The following NKAIN2 variants were observed in gnomAD, a reference collection of about 807,000 sequenced individuals.
NKAIN2 encodes the protein sodium/potassium transporting ATPase interacting 2.
NKAIN2 carries 14 observed loss-of-function variants against 32.6 expected under a neutral mutation model. The ratio of observed to expected loss-of-function variants is 0.43; its 90% CI spans 0.28 to 0.67. NKAIN2 has a LOEUF of 0.67. Ranked by LOEUF, NKAIN2 falls within the 30% of genes least tolerant of loss-of-function variation. The pLI is 0.17. For missense variants in NKAIN2, 198 were observed against 258.3 expected, an observed-to-expected ratio of 0.77 and a Z score of 1.60; for synonymous variants, 80 against 87.2, an observed-to-expected ratio of 0.92 and a Z score of 0.46.
intron 1 of NKAIN2, among the ~76,000 whole-genome samples, chr6:123,911,868 C>T (rs1775228439): frequency 1.4e-5 from 2 of 143,430 alleles, no homozygotes; most frequent in Admixed American, 1.4e-4. Context: ...CATATCAATT[C>T]CCCCCAACCC....
intron 1 of NKAIN2, among the ~76,000 whole-genome samples, chr6:124,064,928 C>G (rs1783096683): frequency 6.6e-6 from 1 of 152,060 alleles, no homozygotes; most frequent in African/African-American, 2.4e-5. Flanking sequence ...AATTAGTTGT[C>G]TATCTCTGGG....
chr6:124,042,688 T>A (rs1422676916), intron 1 of NKAIN2, among the ~76,000 whole-genome samples: 1 of 152,028 alleles, frequency 6.6e-6, no homozygotes, highest in Non-Finnish European at 1.5e-5. Flanking sequence ...TGACACCAAA[T>A]GAATGCATGG....
chr6:124,694,577 C>T (rs1019220589), intron 4 of NKAIN2, among the ~76,000 whole-genome samples: 5 of 152,204 alleles, frequency 3.3e-5, no homozygotes, highest in Admixed American at 6.5e-5. Flanking sequence ...AAACAGACAA[C>T]AGCTTGAATC....
At chr6:123,976,256 T>TATATATATGTTTCC (rs1156868911) in intron 1 of NKAIN2, among the ~76,000 whole-genome samples, 13 of 120,832 alleles carry the variant, frequency 1.1e-4, no homozygotes, top group Admixed American at 5.1e-4. Context: ...AACATATATA[T>TATATATATGTTTCC]ATATATATGT....
chr6:124,469,169 A>G (rs1277575350), intron 3 of NKAIN2, among the ~76,000 whole-genome samples: 1 of 152,162 alleles, frequency 6.6e-6, no homozygotes, highest in African/African-American at 2.4e-5. Context: ...CCATGATTTT[A>G]GTAATTTATC....
intron 1 of NKAIN2, among the ~76,000 whole-genome samples, chr6:123,859,970 C>A (rs1357897300): frequency 1.3e-5 from 2 of 152,158 alleles, no homozygotes; most frequent in African/African-American, 4.8e-5. Context: ...GGATTACAGT[C>A]GTAAGCCACC....
At chr6:124,481,447 G>C (rs1356768420) in intron 3 of NKAIN2, among the ~76,000 whole-genome samples, 2 of 151,874 alleles carry the variant, frequency 1.3e-5, no homozygotes, top group Non-Finnish European at 1.5e-5. Flanking sequence ...AATAGTCTAA[G>C]AGTAGTTAAA....
intron 1 of NKAIN2, among the ~76,000 whole-genome samples, chr6:124,192,391 A>C (rs904007179): frequency 5.9e-5 from 9 of 152,186 alleles, no homozygotes; most frequent in Non-Finnish European, 7.3e-5. Flanking sequence ...AAATAATATG[A>C]GGTTTTTCTA....
chr6:124,262,414 A>G (rs1794296201), intron 1 of NKAIN2, among the ~76,000 whole-genome samples: 1 of 152,198 alleles, frequency 6.6e-6, no homozygotes, highest in African/African-American at 2.4e-5. Flanking sequence ...AAATTGCAGC[A>G]GGATTCGCTG....
chr6:124,408,928 G>T (rs1157592448), intron 3 of NKAIN2, among the ~76,000 whole-genome samples: 4 of 152,114 alleles, frequency 2.6e-5, no homozygotes, highest in African/African-American at 9.7e-5. Flanking sequence ...TTGTAAGTTG[G>T]ATTCCTAGGT....
At chr6:124,441,870 G>T (rs1431331227) in intron 3 of NKAIN2, among the ~76,000 whole-genome samples, 1 of 151,874 alleles carries the variant, frequency 6.6e-6, no homozygotes, top group East Asian at 1.9e-4. Flanking sequence ...TTCCTTCAAG[G>T]GATAGTGCTA....
At chr6:124,213,061 C>G (rs1292510917) in intron 1 of NKAIN2, among the ~76,000 whole-genome samples, 2 of 152,104 alleles carry the variant, frequency 1.3e-5, no homozygotes, top group Admixed American at 6.6e-5. Flanking sequence ...CTCTCTGTAT[C>G]TAAGTCCTTC....
chr6:124,439,878 C>T (rs1051832381), intron 3 of NKAIN2, among the ~76,000 whole-genome samples: 5 of 151,986 alleles, frequency 3.3e-5, no homozygotes, highest in South Asian at 2.1e-4. Context: ...TCTCTCGACT[C>T]ATCTCAGATA....
rs572222453 is a variant in NKAIN2, at chr6:124,433,775, T to C, written c.273+78428T>C. 9.5e-4 allele frequency among the ~76,000 whole-genome samples: 144 copies of C among 152,290 alleles called. 1 individual carries two copies. The highest frequency in any genetic ancestry group is 2.1e-3 in the Admixed American group (32 of 15,288). ...TGATGGAAGTGTCTTCCCAGAAATG[T>C]TGTGAAACAGCATTAGTTTTCTTCC... On this transcript the variant is annotated intron_variant, in intron 3 of 6. Coordinates refer to ENST00000368417, the MANE Select transcript of NKAIN2 (RefSeq NM_001040214.3).
intron 3 of NKAIN2, among the ~76,000 whole-genome samples, chr6:124,630,356 C>A (rs1783516736): frequency 6.6e-6 from 1 of 152,138 alleles, no homozygotes; most frequent in Non-Finnish European, 1.5e-5. Context: ...TTCTTCAGAG[C>A]TTTGGCACTA....
intron 4 of NKAIN2, among the ~76,000 whole-genome samples, chr6:124,772,876 C>G (rs1319386062): frequency 1.3e-5 from 2 of 152,142 alleles, no homozygotes; most frequent in Non-Finnish European, 2.9e-5. Context: ...AATGTTTACT[C>G]TGGGTAATGG....
chr6:124,152,522 G>T (rs1179798660), intron 1 of NKAIN2, among the ~76,000 whole-genome samples: 2 of 151,932 alleles, frequency 1.3e-5, no homozygotes, highest in African/African-American at 4.8e-5. Flanking sequence ...AAGTGTTGAT[G>T]AGGATACAAA....
intron 3 of NKAIN2, among the ~76,000 whole-genome samples, chr6:124,566,677 TA>T (rs2114907425): frequency 7.1e-6 from 1 of 141,322 alleles, no homozygotes; most frequent in Non-Finnish European, 1.5e-5. Flanking sequence ...CAAAGTTTCA[TA>T]AGACTCTACT....
chr6:123,810,078 T>TC (rs1299140615), intron 1 of NKAIN2, among the ~76,000 whole-genome samples: 5 of 151,946 alleles, frequency 3.3e-5, no homozygotes, highest in Non-Finnish European at 5.9e-5. Flanking sequence ...TGTTTTTTTT[T>TC]CCCCCCACTG....
Sources: allele counts gnomAD v4.1 joint callset (sites outside exome capture counted in the v4.1 genomes callset), GRCh38; gene constraint gnomAD v4.1.1; transcripts MANE v1.5; gene names NCBI Gene and HGNC (gene_info 2026-07-23, HGNC 2026-07-21).